The following TAOK3 variants were observed in gnomAD, a reference collection of about 807,000 sequenced individuals.
The protein encoded by TAOK3 is TAO kinase 3, also known as serine/threonine-protein kinase TAO3.
TAOK3 carries 40 observed loss-of-function variants against 120.4 expected under a neutral mutation model. That is an observed-to-expected ratio of 0.33 (90% confidence interval 0.26 to 0.43). The LOEUF is 0.43. Among genes scored for constraint, TAOK3 ranks in the 20% least tolerant of loss-of-function variants. The pLI is 1.00. For missense variants in TAOK3, 821 were observed against 1,112.1 expected, an observed-to-expected ratio of 0.74 and a Z score of 3.72; for synonymous variants, 355 against 387.5, an observed-to-expected ratio of 0.92 and a Z score of 0.99.
chr12:118,152,713 C>T, intron 19 of TAOK3: 1 of 290,506 alleles, frequency 3.4e-6, no homozygotes, highest in East Asian at 5.9e-5. Context: ...GCTACACCAT[C>T]CACTTTGTGT....
intron 3 of TAOK3, among the ~76,000 whole-genome samples, chr12:118,251,373 A>G (rs1323115760): frequency 1.3e-5 from 2 of 152,200 alleles, no homozygotes; most frequent in African/African-American, 4.8e-5. Context: ...AGCTTTTCGT[A>G]AGTTCTATAG....
At chr12:118,236,578 A>G (rs2040028486) in intron 7 of TAOK3, 1 of 152,132 alleles carries the variant, frequency 6.6e-6, no homozygotes, top group Non-Finnish European at 1.5e-5. Flanking sequence ...AGATGAGGAA[A>G]TTTATGTCAA....
intron 15 of TAOK3, among the ~76,000 whole-genome samples, chr12:118,178,451 C>T (rs775455888): frequency 7.9e-5 from 12 of 151,946 alleles, no homozygotes; most frequent in Non-Finnish European, 1.2e-4. Flanking sequence ...GGAACGCTAA[C>T]GGCATTTTGT....
chr12:118,218,018 C>T (rs1013292373), intron 9 of TAOK3, among the ~76,000 whole-genome samples: 7 of 150,470 alleles, frequency 4.7e-5, no homozygotes, highest in African/African-American at 1.7e-4. Flanking sequence ...TGCCACCACG[C>T]CTCGCTAATT....
chr12:118,153,130 T>C (rs1213827144), intron 19 of TAOK3, among the ~76,000 whole-genome samples: 2 of 152,214 alleles, frequency 1.3e-5, no homozygotes, highest in South Asian at 2.1e-4. Context: ...ATCTCTTCCC[T>C]GGCTGGTGGC....
At chr12:118,170,966 A>G (rs1235826269) in intron 17 of TAOK3, among the ~76,000 whole-genome samples, 1 of 152,180 alleles carries the variant, frequency 6.6e-6, no homozygotes, top group Non-Finnish European at 1.5e-5. Context: ...TCCCTCATGT[A>G]GGCTAACACT....
chr12:118,298,442 A>C (rs2042759469), intron 1 of TAOK3, among the ~76,000 whole-genome samples: 1 of 152,240 alleles, frequency 6.6e-6, no homozygotes, highest in African/African-American at 2.4e-5. Flanking sequence ...CACTGAGAGC[A>C]AAACAGTAAG....
At chr12:118,365,806 G>T (rs1185178688) in intron 1 of TAOK3, among the ~76,000 whole-genome samples, 1 of 152,214 alleles carries the variant, frequency 6.6e-6, no homozygotes, top group South Asian at 2.1e-4. Flanking sequence ...CAACAGAAGA[G>T]AATTTTGCCA....
intron 1 of TAOK3, among the ~76,000 whole-genome samples, chr12:118,274,255 C>T (rs765798076): frequency 3.0e-4 from 45 of 152,124 alleles, no homozygotes; most frequent in Non-Finnish European, 1.0e-4. Context: ...GAAAATGAAA[C>T]TAGATGATAG....
intron 3 of TAOK3, chr12:118,247,077 ACTTT>A (rs1441267575): frequency 5.5e-6 from 3 of 541,052 alleles, no homozygotes; most frequent in East Asian, 6.3e-5. Flanking sequence ...ATCTGATAGA[ACTTT>A]CTTTGATGAT....
intron 3 of TAOK3, among the ~76,000 whole-genome samples, chr12:118,252,073 G>A (rs970441884): frequency 6.6e-6 from 1 of 152,032 alleles, no homozygotes; most frequent in Admixed American, 6.6e-5. Flanking sequence ...CACCCGCCTC[G>A]GCCTCCCAAG....
intron 1 of TAOK3, among the ~76,000 whole-genome samples, chr12:118,343,342 G>A (rs937653993): frequency 6.6e-6 from 1 of 150,736 alleles, no homozygotes; most frequent in Admixed American, 6.6e-5. Flanking sequence ...TGGGAGAATC[G>A]CTTGAACCCA....
chr12:118,340,992 A>T (rs73205553), intron 1 of TAOK3, among the ~76,000 whole-genome samples: 15,934 of 140,608 alleles, frequency 0.11, 1,079 homozygotes, highest in Middle Eastern at 0.19. Context: ...AATATATCTA[A>T]TTTTTTTTTT....
At chr12:118,277,607 C>T (rs11833797) in intron 1 of TAOK3, among the ~76,000 whole-genome samples, 2,350 of 151,918 alleles carry the variant, frequency 0.015, 59 homozygotes, top group African/African-American at 0.053. Flanking sequence ...AGTACAGGCG[C>T]GCACCACCAT....
rs191702097 is a variant in TAOK3, at chr12:118,169,326, C to T, written c.1899+3131G>A. 7.9e-3 allele frequency among the ~76,000 whole-genome samples: 640 copies of T among 80,580 alleles called. 5 individuals are homozygous for T. The highest frequency in any genetic ancestry group is 0.025 in the African/African-American group (556 of 22,030). 52.9% of individuals were successfully genotyped at this position (80,580 alleles called of 152,430 possible). Reference sequence around the variant, plus strand: ...ACCACGCCCACCCCCACCCCCCCCCCTTTTTTTTTAAAGACAGTCTCACTC... The same window carrying T: ...ACCACGCCCACCCCCACCCCCCCCCTTTTTTTTTTAAAGACAGTCTCACTC... On this transcript the variant is annotated intron_variant, in intron 17 of 20. Coordinates refer to ENST00000392533, the MANE Select transcript of TAOK3 (RefSeq NM_016281.4).
intron 1 of TAOK3, chr12:118,359,020 A>G (rs2045503471): frequency 6.6e-6 from 1 of 152,230 alleles, no homozygotes; most frequent in Admixed American, 6.5e-5. Flanking sequence ...ATTTCCCCAG[A>G]GATGGCTTCA....
chr12:118,372,647 C>T lies in TAOK3; in HGVS notation c.-194+1G>A, dbSNP rs2045936870. ...CATGCCCCGCGCCCCGGTGCTCTCACCTCAGACCTGCTGTCACCACCCCCG... is the reference window on the plus strand; with the variant it reads ...CATGCCCCGCGCCCCGGTGCTCTCATCTCAGACCTGCTGTCACCACCCCCG... On this transcript the variant is annotated splice_donor_variant, in intron 1 of 20. Transcript: ENST00000392533. LOFTEE classifies it low-confidence loss of function (5UTR_SPLICE). The surrounding 1 kb of genome is among the most constrained non-coding windows in gnomAD (Gnocchi z 4.6). 2 of 159,242 alleles carry T rather than the reference C, an allele frequency of 1.3e-5. No individual in the cohort carries two copies. The highest frequency in any genetic ancestry group is 1.7e-4 in the South Asian group (1 of 6,002). The allele number at this position is 159,242 out of a possible 1,614,324, so 9.9% of individuals were successfully genotyped here.
intron 1 of TAOK3, among the ~76,000 whole-genome samples, chr12:118,351,203 T>C (rs1172730160): frequency 6.6e-6 from 1 of 152,020 alleles, no homozygotes; most frequent in Non-Finnish European, 1.5e-5. Flanking sequence ...AAAAAAAATC[T>C]GAGGCATAAC....
At chr12:118,210,747 T>C (rs951232219) in intron 11 of TAOK3, among the ~76,000 whole-genome samples, 4 of 148,974 alleles carry the variant, frequency 2.7e-5, no homozygotes, top group Non-Finnish European at 5.9e-5. Context: ...TTTCTTTTTT[T>C]TTTTTTTTTG....
Sources: gnomAD v4.1 joint callset for allele counts (sites outside exome capture counted in the v4.1 genomes callset) on GRCh38, gnomAD v4.1.1 for gene constraint, Gnocchi (gnomAD v3.1) non-coding constraint, MANE v1.5 for transcripts, NCBI Gene and HGNC (gene_info 2026-07-23, HGNC 2026-07-21) for gene names.